UCHL1: variants seen among roughly 807,000 people sequenced by gnomAD.
The protein encoded by UCHL1 is ubiquitin C-terminal hydrolase L1, also known as ubiquitin carboxyl-terminal hydrolase isozyme L1.
In UCHL1, 5 loss-of-function variants were observed where a neutral mutation model predicts 33.3. That is an observed-to-expected ratio of 0.15 (90% CI 0.08 to 0.32). The LOEUF (loss-of-function observed/expected upper bound fraction) is 0.32, where lower values mean the gene tolerates loss of function less well. UCHL1 is among the 10% of genes least tolerant of loss of function. UCHL1 has a pLI of 1.00. For synonymous variants in UCHL1, 132 were observed against 108.8 expected (o/e 1.21, Z -1.33); for missense variants, 236 against 280.0 (o/e 0.84, Z 1.12).
Position 41,268,151 on chromosome 4 carries a change from A to T in UCHL1, c.*78A>T. 7.5e-7 allele frequency: 1 copy of T among 1,338,206 alleles called. No individual in the cohort carries two copies. Among genetic ancestry groups the T allele is most frequent in the Non-Finnish European group, 1.1e-6 (1 of 948,800 alleles). 82.9% of individuals were successfully genotyped at this position (1,338,206 alleles called of 1,614,324 possible). ...TATATACCCCCCCATGCAGTCTAAA[A>T]TGCTTCAGTACTTGTGAAACACAGC... On this transcript the variant is annotated 3_prime_UTR_variant, in exon 9 of 9. Coordinates refer to ENST00000284440, the MANE Select transcript of UCHL1 (RefSeq NM_004181.5).
chr4:41,257,767 C>A (rs532974616), intron 3 of UCHL1, 30 bp downstream of exon 3: 1 of 1,549,754 alleles, frequency 6.5e-7, no homozygotes, highest in South Asian at 1.2e-5. Context: ...ATGCGCCGGC[C>A]GCCGGCAGTG....
chr4:41,263,207 TTTC>T lies in UCHL1; in HGVS notation c.460-15_460-13del, dbSNP rs1298605481. ...TACAGCTTACACTCATTTTCAAAAA[TTTC>T]TTGACTTTCTTTAGGTAGATGACAA... On this transcript the variant is annotated splice_polypyrimidine_tract_variant and intron_variant, in intron 6 of 8. Coordinates refer to ENST00000284440, the MANE Select transcript of UCHL1 (RefSeq NM_004181.5). The T allele has an allele frequency of 6.2e-7, 1 of 1,610,276 alleles. No homozygotes were observed. Among genetic ancestry groups the T allele is most frequent in the Non-Finnish European group, 8.5e-7 (1 of 1,176,592 alleles).
At position 41,265,727 on chromosome 4, in the gene UCHL1, A is replaced by G. The variant is rs150459110; in HGVS notation, c.585+1566A>G. On this transcript the variant is annotated intron_variant, in intron 8 of 8. Coordinates refer to ENST00000284440, the MANE Select transcript of UCHL1 (RefSeq NM_004181.5). Reference sequence around the variant, plus strand: ...AGATGCTAGTGGACCACATTATGCCACTCTTAATAGGGAAGGTTGATTTCT... The same window carrying G: ...AGATGCTAGTGGACCACATTATGCCGCTCTTAATAGGGAAGGTTGATTTCT... 4.1e-3 allele frequency among the ~76,000 whole-genome samples: 620 copies of G among 152,248 alleles called. 5 individuals carry two copies. The highest frequency in any genetic ancestry group is 0.014 in the African/African-American group (601 of 41,538).
chr4:41,257,597 T>G lies in UCHL1; in HGVS notation c.46-12T>G. ...TCCCCGTGCGCCTGGCCGCCTTGTC[T>G]CCTCTCCGCAGGTGCTGTCCCGGCT... On this transcript the variant is annotated splice_polypyrimidine_tract_variant and intron_variant, in intron 2 of 8. Transcript: ENST00000284440. The G allele has an allele frequency of 6.6e-7, 1 of 1,514,208 alleles. No homozygotes were observed. The highest frequency in any genetic ancestry group is 8.8e-7 in the Non-Finnish European group (1 of 1,138,520). 93.8% of individuals were successfully genotyped at this position (1,514,208 alleles called of 1,614,324 possible).
chr4:41,257,840 T>C (rs936191539), intron 3 of UCHL1, 103 bp downstream of exon 3: 2 of 1,449,312 alleles, frequency 1.4e-6, no homozygotes, highest in Non-Finnish European at 1.8e-6. Flanking sequence ...CTGTAGGTGA[T>C]GCGGGGCGCG....
At chr4:41,265,206 T>C (rs1479777436) in intron 8 of UCHL1, among the ~76,000 whole-genome samples, 1 of 152,210 alleles carries the variant, frequency 6.6e-6, no homozygotes, top group East Asian at 1.9e-4. Flanking sequence ...AGGTAGGTAT[T>C]ATCCCCATCT....
chr4:41,267,832 G>T (rs936483829), intron 8 of UCHL1, among the ~76,000 whole-genome samples, 155 bp from the exon 9 acceptor site: 4 of 152,106 alleles, frequency 2.6e-5, no homozygotes, highest in African/African-American at 7.2e-5. Context: ...CCCATCACCT[G>T]ATTTTTTGCT....
rs928031509 is a variant in UCHL1 at position 41,261,137 on chromosome 4, G to A, written c.325+340G>A. Among the ~76,000 whole-genome samples, 4 of 152,166 alleles carry A rather than the reference G, an allele frequency of 2.6e-5. 1 individual carries two copies. The highest frequency in any genetic ancestry group is 2.1e-4 in the South Asian group (1 of 4,826). On this transcript the variant is annotated intron_variant, in intron 4 of 8. Transcript: ENST00000284440. ...TATGTCAGTGGTTAGCCAGTCAGAT[G>A]TCTCTATGCTGGACTATTTTGTTTC...
At chr4:41,257,406 C>T (rs1780995621) in intron 2 of UCHL1, 1 of 887,136 alleles carries the variant, frequency 1.1e-6, no homozygotes, top group South Asian at 2.0e-5. Context: ...CTCGGCTGCA[C>T]GGGCTTCGCG....
intron 3 of UCHL1, among the ~76,000 whole-genome samples, chr4:41,260,043 T>C (rs1781045918): frequency 6.6e-6 from 1 of 152,220 alleles, no homozygotes. Flanking sequence ...CACATCTTCC[T>C]CTTGTAAAAT....
In UCHL1 at chr4:41,256,965, C is replaced by G; in HGVS notation, c.-12C>G. 6.2e-7 allele frequency: 1 copy of G among 1,614,152 alleles called. No homozygotes were observed. Among genetic ancestry groups the G allele is most frequent in the Non-Finnish European group, 8.5e-7 (1 of 1,180,024 alleles). On this transcript the variant is annotated 5_prime_UTR_variant, in exon 1 of 9. Transcript: ENST00000284440. ...TCTTCCCTAGGCTATTTCTGCCGGG[C>G]GCTCCGCGAAGATGCAGCTCAAGCC...
chr4:41,261,099 G>T (rs566208076), intron 4 of UCHL1, among the ~76,000 whole-genome samples: 2 of 152,298 alleles, frequency 1.3e-5, no homozygotes, highest in Non-Finnish European at 2.9e-5. Context: ...TTAATGCTCA[G>T]TGTGGATAAG....
intron 6 of UCHL1, among the ~76,000 whole-genome samples, chr4:41,262,405 C>T (rs959599557): frequency 2.6e-5 from 4 of 152,216 alleles, no homozygotes; most frequent in Middle Eastern, 3.4e-3. Context: ...GAGACCATGT[C>T]GCTGCACTCC....
At chr4:41,263,138 C>A in intron 6 of UCHL1, 87 bp from the exon 7 acceptor site, 1 of 1,031,288 alleles carries the variant, frequency 9.7e-7, no homozygotes, top group South Asian at 1.3e-5. Context: ...AAAATCAAGT[C>A]AGTTCAAGCA....
Position 41,257,003 on chromosome 4 carries a change from C to T in UCHL1, c.27C>T (p.Asn9=). The T allele has an allele frequency of 1.9e-6, 3 of 1,614,214 alleles. No homozygotes were observed. Among genetic ancestry groups the T allele is most frequent in the Non-Finnish European group, 2.5e-6 (3 of 1,180,022 alleles). Residue 9 remains asparagine, a synonymous_variant, in exon 1 of 9, where the codon AAC becomes AAT. Transcript: ENST00000284440. ...TGCAGCTCAAGCCGATGGAGATCAACCCCGAGGTGAGCGCCAGGTGCACCG... is the reference window on the plus strand; with the variant it reads ...TGCAGCTCAAGCCGATGGAGATCAATCCCGAGGTGAGCGCCAGGTGCACCG... The part of the protein sequence containing the change: MQLKPMEI[N]PEMLNKVLSR...
intron 8 of UCHL1, among the ~76,000 whole-genome samples, chr4:41,266,026 TGTCCCACATAGGATACAAGTGTCACATGA>T (rs1362035688): frequency 1.1e-4 from 16 of 152,180 alleles, no homozygotes; most frequent in Non-Finnish European, 2.9e-5. Context: ...CATAAAAATG[TGTCCCACATAGGATACAAGTGTCACATGA>T]GTAGAATTTA....
chr4:41,260,891 C>G, intron 4 of UCHL1, 94 bp downstream of exon 4: 3 of 1,547,662 alleles, frequency 1.9e-6, no homozygotes, highest in Non-Finnish European at 2.7e-6. Context: ...GATGCTGTAC[C>G]TTTTGAAACC....
intron 8 of UCHL1, among the ~76,000 whole-genome samples, chr4:41,265,583 GA>G (rs112540703): frequency 0.19 from 29,531 of 151,724 alleles, 3,433 homozygotes; most frequent in East Asian, 0.52. Context: ...TGTCTCAGAA[GA>G]AAAAAAAGAA....
At chr4:41,258,384 G>A (rs1221764407) in intron 3 of UCHL1, among the ~76,000 whole-genome samples, 2 of 152,180 alleles carry the variant, frequency 1.3e-5, no homozygotes, top group Non-Finnish European at 2.9e-5. Flanking sequence ...CTCTGACCTT[G>A]TAGCTAACTG....
Sources: gnomAD v4.1 joint callset for allele counts (sites outside exome capture counted in the v4.1 genomes callset) on GRCh38, gnomAD v4.1.1 for gene constraint, MANE v1.5 for transcripts, NCBI Gene and HGNC (gene_info 2026-07-23, HGNC 2026-07-21) for gene names.